Variants in LIMCH1 observed in about 807,000 individuals in gnomAD.
LIMCH1 encodes LIM and calponin homology domains 1, also known as LIM and calponin homology domains-containing protein 1.
LIMCH1 carries 113 observed loss-of-function variants against 176.5 expected under a neutral mutation model. The observed-to-expected ratio is 0.64, with a 90% CI of 0.55 to 0.75. LIMCH1 has a LOEUF of 0.75. LIMCH1 is among the 30% of genes least tolerant of loss of function. The pLI is 0.00. For synonymous variants in LIMCH1, 619 were observed against 645.9 expected (o/e 0.96, Z 0.63); for missense variants, 1,674 against 1,814.9 (o/e 0.92, Z 1.41).
At chr4:41,620,716 C>T (rs772438725) in intron 7 of LIMCH1, 26 bp downstream of exon 7, 18 of 1,510,560 alleles carry the variant, frequency 1.2e-5, no homozygotes, top group African/African-American at 9.7e-5. Context: ...AGGGCTGGCC[C>T]GGCTGGCTTT....
chr4:41,637,034 A>T lies in LIMCH1; in HGVS notation c.2091-1898A>T, dbSNP rs866966209. Among the ~76,000 whole-genome samples, 5 of 152,360 alleles carry T rather than the reference A, an allele frequency of 3.3e-5. 1 individual carries two copies. The Middle Eastern group carries it at 0.014, about 415-fold the overall frequency. Reference sequence around the variant, plus strand: ...GCAACTATTAATAGATTCTTGATTAACCATCCATTGGGAAGAAATTCTCTG... The same window carrying T: ...GCAACTATTAATAGATTCTTGATTATCCATCCATTGGGAAGAAATTCTCTG... On this transcript the variant is annotated intron_variant, in intron 13 of 31. Coordinates refer to ENST00000503057, the MANE Select transcript of LIMCH1 (RefSeq NM_001330672.2).
At chr4:41,362,119 A>G (rs2052189266) in intron 1 of LIMCH1, among the ~76,000 whole-genome samples, 1 of 152,042 alleles carries the variant, frequency 6.6e-6, no homozygotes, top group African/African-American at 2.4e-5. Flanking sequence ...TCCTGCAGAA[A>G]CCACCCTCAC....
rs1367629588 is a variant in LIMCH1 at position 41,697,880 on chromosome 4, G to C, written c.*695G>C. The C allele has an allele frequency of 6.6e-6, 1 of 152,090 alleles. No homozygotes were observed. Among genetic ancestry groups the C allele is most frequent in the African/African-American group, 2.4e-5 (1 of 41,404 alleles). The allele number at this position is 152,090 out of a possible 1,614,324, so 9.4% of individuals were successfully genotyped here. On this transcript the variant is annotated 3_prime_UTR_variant, in exon 32 of 32. Coordinates refer to ENST00000503057, the MANE Select transcript of LIMCH1 (RefSeq NM_001330672.2). ...GGTTCATCAAATAAAGCAAAACCTT[G>C]CAATATCAGCTAGATTTACACTCCG...
intron 1 of LIMCH1, among the ~76,000 whole-genome samples, chr4:41,546,384 C>A (rs2079397628): frequency 6.6e-6 from 1 of 152,052 alleles, no homozygotes; most frequent in Non-Finnish European, 1.5e-5. Context: ...AGTGATCTGC[C>A]TCTCTCAGCC....
chr4:41,626,331 CAAATT>C (rs1355255133), intron 7 of LIMCH1, among the ~76,000 whole-genome samples: 8 of 152,096 alleles, frequency 5.3e-5, no homozygotes, highest in African/African-American at 1.2e-4. Context: ...CAGTCAAAAA[CAAATT>C]AAGTGTCTAC....
At chr4:41,531,522 A>ACACACACACACC (rs1230668145) in intron 3 of LIMCH1, among the ~76,000 whole-genome samples, 1 of 145,532 alleles carries the variant, frequency 6.9e-6, no homozygotes, top group Non-Finnish European at 1.5e-5. Context: ...ACACATACAC[A>ACACACACACACC]CCTTATACTT....
In LIMCH1 at chr4:41,646,735, G is replaced by A. The variant is rs770718975; in HGVS notation, c.2662G>A (p.Val888Ile). 1.9e-6 allele frequency: 3 copies of A among 1,614,204 alleles called. No homozygotes were observed. Among genetic ancestry groups the A allele is most frequent in the East Asian group, 2.2e-5 (1 of 44,884 alleles). ...GCCTCCACCCAAATTCACTGCCACTGTTGAAACCACCATTGCTCGTGCCAG... is the reference window on the plus strand; with the variant it reads ...GCCTCCACCCAAATTCACTGCCACTATTGAAACCACCATTGCTCGTGCCAG... The part of the protein sequence containing the change: ...SLPPPKFTAT[V>I]ETTIARASVL... Residue 888 changes from valine (V) to isoleucine (I), a missense_variant, in exon 17 of 32, where the codon GTT (valine) becomes ATT (isoleucine). By Grantham distance (29) the Val-to-Ile change is conservative. Coordinates refer to ENST00000503057, the MANE Select transcript of LIMCH1 (RefSeq NM_001330672.2).
intron 1 of LIMCH1, among the ~76,000 whole-genome samples, chr4:41,573,412 G>C (rs990683427): frequency 6.6e-6 from 1 of 152,158 alleles, no homozygotes; most frequent in Non-Finnish European, 1.5e-5. Flanking sequence ...GCATTTGGTT[G>C]ACATTCCTCT....
intron 7 of LIMCH1, among the ~76,000 whole-genome samples, chr4:41,623,532 C>G (rs928909056): frequency 1.4e-3 from 220 of 152,162 alleles, no homozygotes; most frequent in African/African-American, 4.8e-3. Flanking sequence ...CCGAGGCGGG[C>G]GGATCACTTG....
intron 1 of LIMCH1, among the ~76,000 whole-genome samples, chr4:41,411,994 C>G (rs2059537586): frequency 6.7e-6 from 1 of 149,624 alleles, no homozygotes; most frequent in African/African-American, 2.5e-5. Context: ...AAAGGATAGC[C>G]CTGACACAGG....
chr4:41,686,007 T>G (rs1030055287), intron 28 of LIMCH1, among the ~76,000 whole-genome samples, 177 bp downstream of exon 28: 5 of 152,228 alleles, frequency 3.3e-5, no homozygotes, highest in Admixed American at 2.6e-4. Flanking sequence ...TCAGTCTTTC[T>G]GGCAAGTAAA....
At chr4:41,648,658 G>GGGGTGTGTGTGTGT (rs1554153123) in intron 17 of LIMCH1, among the ~76,000 whole-genome samples, 15 of 135,402 alleles carry the variant, frequency 1.1e-4, no homozygotes, top group African/African-American at 4.2e-4. Flanking sequence ...AAGGGGTAGG[G>GGGGTGTGTGTGTGT]GTGTGTGTGT....
rs1467823954 is a variant in LIMCH1 at position 41,410,563 on chromosome 4, C to T, written c.96+49627C>T. ...TTACATCTCGACCAGGGTGTGATAG[C>T]TCTGCTTGGATGCACTTAAACAAAA... is the stretch of plus-strand genomic sequence containing the variant. On this transcript the variant is annotated intron_variant, in intron 1 of 26. Coordinates refer to the LIMCH1 transcript ENST00000313860. Among the ~76,000 whole-genome samples the T allele has an allele frequency of 2.0e-5, 3 of 152,128 alleles. No individual in the cohort carries two copies. In the East Asian group the frequency reaches 5.8e-4, roughly 29 times the overall value.
intron 1 of LIMCH1, among the ~76,000 whole-genome samples, chr4:41,432,984 T>A (rs2061733099): frequency 1.3e-5 from 2 of 152,260 alleles, no homozygotes; most frequent in South Asian, 4.1e-4. Flanking sequence ...CGGCATTATG[T>A]TCTTTGCATT....
Position 41,665,237 on chromosome 4 carries a change from C to T in LIMCH1, c.3292-1324C>T, listed in dbSNP as rs191159930. ...CTTACAGGCTTACCTTTTTACATAG[C>T]GGTCATTTTGATCATTGCTGATGAC... On this transcript the variant is annotated intron_variant, in intron 20 of 31. Coordinates refer to ENST00000503057, the MANE Select transcript of LIMCH1 (RefSeq NM_001330672.2). 1.2e-3 allele frequency among the ~76,000 whole-genome samples: 183 copies of T among 152,274 alleles called. 1 individual carries two copies. Among genetic ancestry groups the T allele is most frequent in the African/African-American group, 4.0e-3 (166 of 41,562 alleles).
intron 1 of LIMCH1, among the ~76,000 whole-genome samples, chr4:41,391,789 C>A (rs2057274684): frequency 6.6e-6 from 1 of 152,078 alleles, no homozygotes; most frequent in Admixed American, 6.5e-5. Context: ...ACTAAGGGGT[C>A]ATGATAACTA....
chr4:41,515,982 A>T (rs147236870), intron 2 of LIMCH1, among the ~76,000 whole-genome samples: 1 of 152,236 alleles, frequency 6.6e-6, no homozygotes, highest in Non-Finnish European at 1.5e-5. Context: ...AATTACAATC[A>T]TTTAAACATA....
intron 1 of LIMCH1, among the ~76,000 whole-genome samples, chr4:41,581,828 A>AAACAAC (rs1561821950): frequency 6.6e-6 from 1 of 150,470 alleles, no homozygotes; most frequent in Non-Finnish European, 1.5e-5. Flanking sequence ...AAAAAAAAAA[A>AAACAAC]AACAACAGCA....
intron 3 of LIMCH1, among the ~76,000 whole-genome samples, chr4:41,531,213 C>A (rs1391568352): frequency 6.6e-6 from 1 of 151,994 alleles, no homozygotes; most frequent in Non-Finnish European, 1.5e-5. Context: ...TGTTAGAAAT[C>A]AGACTCTCTC....
Sources: gnomAD v4.1 joint callset for allele counts (sites outside exome capture counted in the v4.1 genomes callset) on GRCh38, gnomAD v4.1.1 for gene constraint, MANE v1.5 for transcripts, NCBI Gene and HGNC (gene_info 2026-07-23, HGNC 2026-07-21) for gene names.